Variants in DNMBP observed in about 807,000 individuals in gnomAD.
The protein encoded by DNMBP is dynamin binding protein, also known as dynamin-binding protein.
DNMBP carries 87 observed loss-of-function variants against 150.0 expected under a neutral mutation model. The observed-to-expected ratio is 0.58, with a 90% CI of 0.49 to 0.69. The LOEUF (loss-of-function observed/expected upper bound fraction) is 0.69, where lower values mean the gene tolerates loss of function less well. DNMBP is among the 30% of genes least tolerant of loss of function. DNMBP has a pLI of 0.00. For synonymous variants in DNMBP, 711 were observed against 750.4 expected (o/e 0.95, Z 0.86); for missense variants, 1,774 against 1,949.0 (o/e 0.91, Z 1.69).
Position 99,911,278 on chromosome 10 carries a change from TCTGAGG to T in DNMBP, c.2261-2138_2261-2133del, listed in dbSNP as rs1165572771. ...GCCTGTCATCCCCGCACTTTGGGAG[TCTGAGG>T]CTGAGGCGGACAGATCACCTGAGGT... On this transcript the variant is annotated intron_variant, in intron 4 of 16. Coordinates refer to ENST00000324109, the MANE Select transcript of DNMBP (RefSeq NM_015221.4). Among the ~76,000 whole-genome samples the T allele has an allele frequency of 7.9e-5, 12 of 151,024 alleles. No individual in the cohort carries two copies. In the South Asian group the frequency reaches 1.9e-3, roughly 24 times the overall value.
In DNMBP at chr10:99,898,151, T is replaced by C. The variant is rs567897297; in HGVS notation, c.2855A>G (p.Asn952Ser). 2.5e-6 allele frequency: 4 copies of C among 1,614,146 alleles called. No homozygotes were observed. The African/African-American group carries it at 4.0e-5, about 16-fold the overall frequency. Residue 952 changes from asparagine to serine, a missense_variant, in exon 9 of 17, where the codon AAT (asparagine) becomes AGT (serine). Asn to Ser is a conservative substitution (Grantham distance 46). Transcript: ENST00000324109. ...GATTTCCTTGACCGCAAGGACTGCA[T>C]TGGTTAAAGGCACTTTATCTGGGTG... ...ESHPDKVPLT[N>S]AVLAVKEINV...
intron 4 of DNMBP, among the ~76,000 whole-genome samples, chr10:99,932,559 C>T (rs2040171703): frequency 6.6e-6 from 1 of 151,082 alleles, no homozygotes; most frequent in Admixed American, 6.6e-5. Context: ...ACATAGTTCC[C>T]CTGGCATTTA....
Position 99,880,229 on chromosome 10 carries a change from T to TGGCGTGGGAACCTGGGGGAGGAGC in DNMBP, c.4106_4129dup (p.Arg1376_Gln1377insArgSerSerProArgPheProArg). The TGGCGTGGGAACCTGGGGGAGGAGC allele has an allele frequency of 1.2e-6, 2 of 1,614,134 alleles. No homozygotes were observed. Among genetic ancestry groups the TGGCGTGGGAACCTGGGGGAGGAGC allele is most frequent in the Non-Finnish European group, 1.7e-6 (2 of 1,180,002 alleles). On this transcript the variant is annotated inframe_insertion, in exon 16 of 17. Transcript: ENST00000324109. ...GAAGGTCAGGGTGCTGCCGCTGTTC[T>TGGCGTGGGAACCTGGGGGAGGAGC]GGCGTGGGAACCTGGGGGAGGAGCT...
Position 99,876,650 on chromosome 10 carries a change from G to A in DNMBP, c.*501C>T, listed in dbSNP as rs1239600876. 1.3e-5 allele frequency: 2 copies of A among 152,630 alleles called. No individual in the cohort carries two copies. The highest frequency in any genetic ancestry group is 2.9e-5 in the Non-Finnish European group (2 of 68,378). 9.5% of individuals were successfully genotyped at this position (152,630 alleles called of 1,614,324 possible). A position where few individuals can be genotyped will look rare whatever the true frequency, so the allele number is the denominator to read the frequency against. On this transcript the variant is annotated 3_prime_UTR_variant, in exon 17 of 17. Transcript: ENST00000324109. ...GTGTCCCAGGAGCTTTGAAGCACTA[G>A]GTTTGGTTCAATCCCGACAAACTCC...
rs1589437496 is a variant in DNMBP at position 99,955,911 on chromosome 10, C to T, written c.1563G>A (p.Leu521=). The change falls in exon 4 of 17, where the codon TTG becomes TTA. Residue 521 remains leucine, a synonymous_variant. Transcript: ENST00000324109. ...TSSVYSISER[L]EMKPGPQAQG... ...GGGCTTGCGGACCAGGCTTCATCTC[C>T]AATCTCTCTGAGATGGAGTAAACAC... 2 of 1,614,164 alleles carry T rather than the reference C, an allele frequency of 1.2e-6. No homozygotes were observed. The highest frequency in any genetic ancestry group is 2.2e-5 in the East Asian group (1 of 44,864).
chr10:99,998,101 GGC>G (rs1401952386), intron 1 of DNMBP, among the ~76,000 whole-genome samples: 3 of 151,442 alleles, frequency 2.0e-5, no homozygotes, highest in East Asian at 1.9e-4. Flanking sequence ...CAGGCGTGGT[GGC>G]GCACACCTGT....
At chr10:99,990,127 C>G (rs947869846) in intron 1 of DNMBP, among the ~76,000 whole-genome samples, 1 of 152,210 alleles carries the variant, frequency 6.6e-6, no homozygotes, top group African/African-American at 2.4e-5. Context: ...TCCCAGTGAT[C>G]ACACTATTCT....
chr10:99,982,721 G>T (rs1300670298), intron 1 of DNMBP, among the ~76,000 whole-genome samples: 1 of 152,158 alleles, frequency 6.6e-6, no homozygotes, highest in African/African-American at 2.4e-5. Context: ...GGGAGGCCAA[G>T]ACAGGCAGAT....
chr10:99,975,764 G>T (rs1006537059), intron 1 of DNMBP, among the ~76,000 whole-genome samples: 27 of 152,196 alleles, frequency 1.8e-4, no homozygotes, highest in African/African-American at 6.5e-4. Context: ...ATTTATTAGC[G>T]ATTTCACCTT....
intron 4 of DNMBP, among the ~76,000 whole-genome samples, chr10:99,951,497 G>A (rs1374459606): frequency 6.6e-6 from 1 of 152,220 alleles, no homozygotes; most frequent in Non-Finnish European, 1.5e-5. Context: ...GCAGCCAGGA[G>A]GGAGGCTGTA....
chr10:99,923,618 C>T (rs2040046568), intron 4 of DNMBP, among the ~76,000 whole-genome samples: 1 of 152,074 alleles, frequency 6.6e-6, no homozygotes, highest in Non-Finnish European at 1.5e-5. Context: ...CTGATTTCTT[C>T]CTTGAGCTCC....
At chr10:99,904,499 G>A (rs12770496) in intron 6 of DNMBP, among the ~76,000 whole-genome samples, 45,792 of 151,688 alleles carry the variant, frequency 0.3, 7,836 homozygotes, top group Non-Finnish European at 0.38. Flanking sequence ...TGGTCTTCTC[G>A]GAGCCTTCCC....
At position 99,894,943 on chromosome 10, in the gene DNMBP, C is replaced by A. The variant is rs200173066; in HGVS notation, c.3156+3G>T. 6.2e-7 allele frequency: 1 copy of A among 1,606,138 alleles called. No homozygotes were observed. The highest frequency in any genetic ancestry group is 8.5e-7 in the Non-Finnish European group (1 of 1,172,938). On this transcript the variant is annotated splice_donor_region_variant and intron_variant, in intron 11 of 16. Coordinates refer to ENST00000324109, the MANE Select transcript of DNMBP (RefSeq NM_015221.4). Reference sequence around the variant, plus strand: ...ATCTAACTACAGTGATGTTGATGCTCACCCGGATGTGCTGGAGGTAGAGAG... The same window carrying A: ...ATCTAACTACAGTGATGTTGATGCTAACCCGGATGTGCTGGAGGTAGAGAG...
At chr10:99,895,547 C>T (rs2039640488) in intron 10 of DNMBP, among the ~76,000 whole-genome samples, 1 of 152,230 alleles carries the variant, frequency 6.6e-6, no homozygotes, top group African/African-American at 2.4e-5. Flanking sequence ...AAAATACACA[C>T]AGGCCCTCCT....
At chr10:99,966,463 C>T (rs1190249289) in intron 3 of DNMBP, among the ~76,000 whole-genome samples, 1 of 152,292 alleles carries the variant, frequency 6.6e-6, no homozygotes, top group East Asian at 1.9e-4. Flanking sequence ...ACTCACGATG[C>T]CAGATTCTTT....
At chr10:99,955,086 G>A (rs2040469015) in intron 4 of DNMBP, 128 bp downstream of exon 4, 4 of 776,778 alleles carry the variant, frequency 5.1e-6, no homozygotes, top group Non-Finnish European at 8.3e-6. Flanking sequence ...AAAGAAATTA[G>A]GTAATGAAAA....
chr10:100,003,044 A>G (rs2041032815), intron 1 of DNMBP, among the ~76,000 whole-genome samples: 2 of 152,202 alleles, frequency 1.3e-5, no homozygotes, highest in Non-Finnish European at 2.9e-5. Context: ...AGAAAAATGA[A>G]TAAGAAGTAT....
intron 6 of DNMBP, among the ~76,000 whole-genome samples, chr10:99,900,502 C>T (rs1290285687): frequency 2.0e-5 from 3 of 151,740 alleles, no homozygotes; most frequent in African/African-American, 4.8e-5. Flanking sequence ...TTAGAACAAA[C>T]ACACACACAC....
chr10:99,909,070 C>T lies in DNMBP; in HGVS notation c.2337G>A (p.Gln779=), dbSNP rs774576630. 4 of 1,614,046 alleles carry T rather than the reference C, an allele frequency of 2.5e-6. No homozygotes were observed. The highest frequency in any genetic ancestry group is 1.7e-5 in the Admixed American group (1 of 60,000). The change falls in exon 5 of 17, where the codon CAG becomes CAA. Residue 779 remains glutamine (Q), a synonymous_variant. Coordinates refer to ENST00000324109, the MANE Select transcript of DNMBP (RefSeq NM_015221.4). ...CCTTGGCTCTCTTCTCCAGCATCCT[C>T]TGCTCTGGATTTTCGGCAGACACAG... ...SGSVSAENPE[Q]RMLEKRAKVI...
Sources: allele counts gnomAD v4.1 joint callset (sites outside exome capture counted in the v4.1 genomes callset), GRCh38; gene constraint gnomAD v4.1.1; transcripts MANE v1.5; gene names NCBI Gene and HGNC (gene_info 2026-07-23, HGNC 2026-07-21).